PBX1: variants seen among roughly 807,000 people sequenced by gnomAD.
PBX1 encodes pre-B-cell leukemia transcription factor 1.
Under a neutral mutation model 53.4 loss-of-function variants are expected in PBX1, and 6 were observed. That is an observed-to-expected ratio of 0.11 (90% confidence interval 0.06 to 0.22). PBX1 has a LOEUF of 0.22. PBX1 is among the 10% of genes least tolerant of loss of function. PBX1 has a pLI of 1.00. For synonymous variants in PBX1, 204 were observed against 212.3 expected (o/e 0.96, Z 0.34); for missense variants, 251 against 551.4 (o/e 0.46, Z 5.46).
At chr1:164,636,796 T>G (rs927288601) in intron 2 of PBX1, among the ~76,000 whole-genome samples, 4 of 152,170 alleles carry the variant, frequency 2.6e-5, no homozygotes, top group African/African-American at 4.8e-5. Context: ...CTGCTGATTC[T>G]AAACTGTGGT....
intron 8 of PBX1, among the ~76,000 whole-genome samples, chr1:164,838,099 G>A (rs1159420048): frequency 6.6e-6 from 1 of 152,204 alleles, no homozygotes; most frequent in African/African-American, 2.4e-5. Context: ...CACTATGATG[G>A]TGCTACAGTT....
intron 2 of PBX1, chr1:164,564,111 T>A (rs967994676): frequency 1.3e-5 from 2 of 152,012 alleles, no homozygotes; most frequent in Non-Finnish European, 2.9e-5. Context: ...TGGGTAAAGC[T>A]CTCCCTTGTA....
At chr1:164,709,017 G>A (rs546189417) in intron 2 of PBX1, among the ~76,000 whole-genome samples, 23 of 152,264 alleles carry the variant, frequency 1.5e-4, no homozygotes, top group South Asian at 4.1e-4. Context: ...ACACACAGCC[G>A]CGGAGACACC....
intron 8 of PBX1, among the ~76,000 whole-genome samples, chr1:164,836,482 G>A (rs974764480): frequency 1.3e-5 from 2 of 152,222 alleles, no homozygotes; most frequent in South Asian, 2.1e-4. Context: ...CTAGGGTGGT[G>A]TCAAGTGAAT....
At chr1:164,767,208 G>T (rs1266432312) in intron 2 of PBX1, among the ~76,000 whole-genome samples, 1 of 151,996 alleles carries the variant, frequency 6.6e-6, no homozygotes, top group Non-Finnish European at 1.5e-5. Context: ...TCTGAGGCAG[G>T]GCAGACTATA....
intron 2 of PBX1, among the ~76,000 whole-genome samples, chr1:164,724,513 G>A (rs906017454): frequency 6.6e-6 from 1 of 152,108 alleles, no homozygotes; most frequent in Non-Finnish European, 1.5e-5. Flanking sequence ...GTTTAAGAAA[G>A]TTTGTAAGTT....
At position 164,836,814 on chromosome 1, in the gene PBX1, A is replaced by G. The variant is rs140065955; in HGVS notation, c.1201-9770A>G. Among the ~76,000 whole-genome samples, 253 of 152,288 alleles carry G rather than the reference A, an allele frequency of 1.7e-3. 1 individual carries two copies. The highest frequency in any genetic ancestry group is 2.1e-3 in the Non-Finnish European group (145 of 68,026). On this transcript the variant is annotated intron_variant, in intron 8 of 8. Transcript: ENST00000420696. ...CTGAAATAGATTTGGTGCGTCACGG[A>G]AGATAAGGGTTTTGAAAGTTTCTAT...
At chr1:164,864,257 C>A (rs564408979) in intron 2 of PBX1, among the ~76,000 whole-genome samples, 1 of 152,078 alleles carries the variant, frequency 6.6e-6, no homozygotes, top group African/African-American at 2.4e-5. Flanking sequence ...CCCATACCTC[C>A]CTCCTCTCCC....
chr1:164,872,613 G>A (rs773089828), intron 2 of PBX1, among the ~76,000 whole-genome samples: 4 of 152,144 alleles, frequency 2.6e-5, no homozygotes, highest in Non-Finnish European at 4.4e-5. Flanking sequence ...TTTTCTCTTT[G>A]TTCCAGACAA....
intron 2 of PBX1, among the ~76,000 whole-genome samples, chr1:164,690,629 T>TAA (rs34662653): frequency 0.055 from 8,031 of 145,910 alleles, 348 homozygotes; most frequent in African/African-American, 0.13. Context: ...AAGCTTTTCT[T>TAA]AAAAAAAAAA....
rs1201757762 is a variant in PBX1, at chr1:164,776,962, A to AT, written c.266-15532_266-15531insT. On this transcript the variant is annotated intron_variant, in intron 2 of 8. Coordinates refer to ENST00000420696, the MANE Select transcript of PBX1 (RefSeq NM_002585.4). ...TGGGAGGAGAGAGAGAGAGAGAGAG[A>AT]GAGAGAGAGAGAGAGAGGAGGTGTG... Among the ~76,000 whole-genome samples the AT allele has an allele frequency of 7.3e-3, 677 of 92,968 alleles. 41 individuals carry two copies. The highest frequency in any genetic ancestry group is 0.031 in the African/African-American group (653 of 20,954). The allele number at this position is 92,968 out of a possible 152,430, so 61.0% of individuals were successfully genotyped here. A position where few individuals can be genotyped will look rare whatever the true frequency, so the allele number is the denominator to read the frequency against.
intron 2 of PBX1, among the ~76,000 whole-genome samples, chr1:164,579,764 A>G (rs569756346): frequency 1.4e-4 from 21 of 152,326 alleles, no homozygotes; most frequent in Non-Finnish European, 2.2e-4. Context: ...TGAACAGAGA[A>G]TGTCGGCAGA....
intron 2 of PBX1, among the ~76,000 whole-genome samples, chr1:164,601,262 A>G (rs1225418101): frequency 1.4e-5 from 2 of 146,970 alleles, no homozygotes; most frequent in Non-Finnish European, 1.5e-5. Flanking sequence ...AAAAAAAAAA[A>G]GCAGACACAG....
chr1:164,864,192 G>A (rs1249814304), intron 2 of PBX1, among the ~76,000 whole-genome samples: 2 of 152,026 alleles, frequency 1.3e-5, no homozygotes, highest in African/African-American at 4.8e-5. Flanking sequence ...TTGCTGGCAG[G>A]AGTAAGTTTA....
At chr1:164,658,175 AAAAAAAG>A (rs983156073) in intron 2 of PBX1, among the ~76,000 whole-genome samples, 13 of 152,146 alleles carry the variant, frequency 8.5e-5, no homozygotes, top group African/African-American at 3.1e-4. Flanking sequence ...ACAAAAAAAA[AAAAAAAG>A]AAAGACTGGA....
At chr1:164,569,452 G>A (rs897257493) in intron 2 of PBX1, among the ~76,000 whole-genome samples, 1 of 151,810 alleles carries the variant, frequency 6.6e-6, no homozygotes, top group African/African-American at 2.4e-5. Context: ...ATGAAATAGA[G>A]AGGCTTATAC....
At chr1:164,651,680 G>A (rs187093708) in intron 2 of PBX1, among the ~76,000 whole-genome samples, 1 of 152,250 alleles carries the variant, frequency 6.6e-6, no homozygotes, top group Non-Finnish European at 1.5e-5. Flanking sequence ...AGGGGAATGA[G>A]ACAGAGAGGA....
At chr1:164,663,575 A>G (rs910081631) in intron 2 of PBX1, among the ~76,000 whole-genome samples, 6 of 152,228 alleles carry the variant, frequency 3.9e-5, no homozygotes, top group Non-Finnish European at 5.9e-5. Flanking sequence ...CTTTAAAAGT[A>G]AAGCTATATC....
intron 2 of PBX1, among the ~76,000 whole-genome samples, chr1:164,738,492 A>G (rs1557976538): frequency 6.6e-6 from 1 of 152,132 alleles, no homozygotes; most frequent in Non-Finnish European, 1.5e-5. Context: ...GGATCTCACC[A>G]TGTTGCCCAG....
Sources: allele counts gnomAD v4.1 joint callset (sites outside exome capture counted in the v4.1 genomes callset), GRCh38; gene constraint gnomAD v4.1.1; transcripts MANE v1.5; gene names NCBI Gene and HGNC (gene_info 2026-07-23, HGNC 2026-07-21).